The following PPP2R5C variants were observed in gnomAD, a reference collection of about 807,000 sequenced individuals.
PPP2R5C encodes serine/threonine-protein phosphatase 2A 56 kDa regulatory subunit gamma isoform.
A neutral mutation model predicts 68.9 loss-of-function variants in PPP2R5C; 7 were observed. The ratio of observed to expected loss-of-function variants is 0.10; its 90% CI spans 0.06 to 0.19. The LOEUF (loss-of-function observed/expected upper bound fraction) is 0.19. Ranked by LOEUF, PPP2R5C falls within the 10% of genes least tolerant of loss-of-function variation. PPP2R5C has a pLI of 1.00. For missense variants in PPP2R5C, 348 were observed against 641.3 expected (o/e 0.54, Z 4.94); for synonymous variants, 210 against 222.2 (o/e 0.95, Z 0.49).
At chr14:101,784,508 AGT>A (rs1491215049) in intron 2 of PPP2R5C, among the ~76,000 whole-genome samples, 3 of 141,086 alleles carry the variant, frequency 2.1e-5, no homozygotes, top group African/African-American at 7.8e-5. Context: ...AGAGAGAGAA[AGT>A]GGGGGGGGGG....
intron 2 of PPP2R5C, among the ~76,000 whole-genome samples, chr14:101,871,397 C>A (rs1258740772): frequency 1.3e-5 from 2 of 152,110 alleles, no homozygotes; most frequent in East Asian, 3.9e-4. Context: ...GCGCCCACCA[C>A]CACACCCGGC....
At chr14:101,845,804 A>G (rs1038738069) in intron 1 of PPP2R5C, among the ~76,000 whole-genome samples, 15 of 152,168 alleles carry the variant, frequency 9.9e-5, no homozygotes, top group African/African-American at 3.4e-4. Flanking sequence ...AGATAATGTA[A>G]CCTTGGTACA....
At position 101,917,055 on chromosome 14, in the gene PPP2R5C, C is replaced by A. The variant is rs1251667515; in HGVS notation, c.1327-776C>A. Among the ~76,000 whole-genome samples the A allele has an allele frequency of 6.6e-6, 1 of 152,028 alleles. No individual in the cohort carries two copies. Among genetic ancestry groups the A allele is most frequent in the Non-Finnish European group, 1.5e-5 (1 of 68,038 alleles). On this transcript the variant is annotated intron_variant, in intron 12 of 13. Coordinates refer to ENST00000334743, the Ensembl canonical transcript of PPP2R5C. This position sits in a 1 kb window ranked among gnomAD's most constrained non-coding sequence, Gnocchi z 4.4. The stretch of plus-strand genomic sequence containing the variant: ...TGTGCCCTCAGAGCCAGCAGACGCT[C>A]GTCACAGTCATACTGTCCTGTGCAC...
rs376457085 is a variant in PPP2R5C at position 101,781,188 on chromosome 14, C to T, written c.94-4830C>T. Among the ~76,000 whole-genome samples the T allele has an allele frequency of 6.4e-4, 98 of 152,296 alleles. No individual in the cohort carries two copies. The highest frequency in any genetic ancestry group is 2.4e-3 in the African/African-American group (98 of 41,558). On this transcript the variant is annotated intron_variant, in intron 2 of 14. Transcript: ENST00000328724. This position sits in a 1 kb window ranked among gnomAD's most constrained non-coding sequence, Gnocchi z 6.4. ...GTCGGGGCTGCGGCAGGGTCCCCAC[C>T]GGGCTGTCCACGAACCAGCGAACCA...
Position 101,922,333 on chromosome 14 carries a change from C to A in PPP2R5C, c.1444-2808C>A, listed in dbSNP as rs2047053834. The A allele has an allele frequency of 3.1e-5, 11 of 353,774 alleles. No individual in the cohort carries two copies. The South Asian group carries it at 9.1e-4, about 29-fold the overall frequency. 21.9% of individuals were successfully genotyped at this position (353,774 alleles called of 1,614,324 possible). On this transcript the variant is annotated intron_variant, in intron 13 of 13. Coordinates refer to ENST00000334743, the Ensembl canonical transcript of PPP2R5C. Reference sequence around the variant, plus strand: ...GTGAAACCCCATCTCTACTAAATAACAAAAAATTAGCCGGACGTGGTGGCA... The same window carrying A: ...GTGAAACCCCATCTCTACTAAATAAAAAAAAATTAGCCGGACGTGGTGGCA...
At chr14:101,927,267 T>C (rs2047321677) in exon 14 of PPP2R5C, 1 of 152,268 alleles carries the variant, frequency 6.6e-6, no homozygotes, top group South Asian at 2.1e-4. Flanking sequence ...CATCTTTTTG[T>C]CTAGGTTTTC....
intron 7 of PPP2R5C, 136 bp from the exon 10 acceptor site, chr14:101,894,371 G>A (rs2045162502): frequency 1.4e-5 from 9 of 646,418 alleles, no homozygotes; most frequent in East Asian, 2.7e-5. Context: ...GTTAATGCCC[G>A]TTAATCACAC....
At chr14:101,878,080 A>G (rs2043901605) in intron 2 of PPP2R5C, among the ~76,000 whole-genome samples, 1 of 152,224 alleles carries the variant, frequency 6.6e-6, no homozygotes, top group Non-Finnish European at 1.5e-5. Flanking sequence ...GCAGACGGCC[A>G]CTGTGCCCTC....
At chr14:101,868,676 T>C (rs1043217961) in intron 2 of PPP2R5C, among the ~76,000 whole-genome samples, 2 of 152,258 alleles carry the variant, frequency 1.3e-5, no homozygotes, top group African/African-American at 4.8e-5. Context: ...GTATTTCTTT[T>C]GGTCTAGGGG....
chr14:101,884,058 C>T (rs757127417), intron 5 of PPP2R5C, among the ~76,000 whole-genome samples: 3 of 152,224 alleles, frequency 2.0e-5, no homozygotes, highest in Admixed American at 2.0e-4. Context: ...ACGGACAGTG[C>T]AGCCTTCAGT....
chr14:101,898,532 A>G (rs1027316937), intron 8 of PPP2R5C, among the ~76,000 whole-genome samples: 12 of 152,204 alleles, frequency 7.9e-5, no homozygotes, highest in African/African-American at 2.9e-4. Context: ...ACTTTGCAAG[A>G]GTGAGAGCTG....
intron 8 of PPP2R5C, among the ~76,000 whole-genome samples, chr14:101,895,377 G>A (rs28425501): frequency 0.036 from 5,410 of 152,122 alleles, 205 homozygotes; most frequent in East Asian, 0.098. Flanking sequence ...GTTCACCAGC[G>A]TTAATGACAT....
At chr14:101,860,954 G>A (rs930484930) in intron 2 of PPP2R5C, among the ~76,000 whole-genome samples, 1 of 152,180 alleles carries the variant, frequency 6.6e-6, no homozygotes, top group Admixed American at 6.5e-5. Context: ...AGTTCTTGGC[G>A]TGCAGTTTCC....
chr14:101,822,011 A>G (rs1299422269), intron 1 of PPP2R5C, among the ~76,000 whole-genome samples: 1 of 151,900 alleles, frequency 6.6e-6, no homozygotes, highest in African/African-American at 2.4e-5. Flanking sequence ...CGCTTTTAAG[A>G]GTATTTTACT....
At chr14:101,862,962 G>C (rs963551176) in intron 2 of PPP2R5C, among the ~76,000 whole-genome samples, 1 of 151,516 alleles carries the variant, frequency 6.6e-6, no homozygotes, top group African/African-American at 2.4e-5. Flanking sequence ...ACAAGTAGCT[G>C]AGTCTACACT....
chr14:101,761,504 G>A (rs2036523858), upstream of PPP2R5C, among the ~76,000 whole-genome samples: 1 of 150,056 alleles, frequency 6.7e-6, no homozygotes, highest in African/African-American at 2.5e-5. Context: ...AGGGTGGGGG[G>A]AGCGGGGAGC....
intron 1 of PPP2R5C, among the ~76,000 whole-genome samples, chr14:101,853,447 T>G (rs2042265003): frequency 6.6e-6 from 1 of 152,188 alleles, no homozygotes; most frequent in African/African-American, 2.4e-5. Flanking sequence ...GATAGAAATT[T>G]TATTAAAAAC....
intron 2 of PPP2R5C, among the ~76,000 whole-genome samples, chr14:101,783,290 G>A (rs1377724587): frequency 5.7e-5 from 7 of 122,376 alleles, no homozygotes; most frequent in Admixed American, 3.5e-4. Flanking sequence ...GTTCTTGGTG[G>A]CATCTGCTTT....
At chr14:101,903,624 C>T (rs986966377) in intron 9 of PPP2R5C, among the ~76,000 whole-genome samples, 1 of 152,146 alleles carries the variant, frequency 6.6e-6, no homozygotes, top group Admixed American at 6.6e-5. Context: ...GCACAGAGTA[C>T]ATTCCAGAAT....
Sources: gnomAD v4.1 joint callset for allele counts (sites outside exome capture counted in the v4.1 genomes callset) on GRCh38, gnomAD v4.1.1 for gene constraint, Gnocchi (gnomAD v3.1) non-coding constraint, MANE v1.5 for transcripts, NCBI Gene and HGNC (gene_info 2026-07-23, HGNC 2026-07-21) for gene names.